The following SPRED2 variants were observed in gnomAD, a reference collection of about 807,000 sequenced individuals.
The protein encoded by SPRED2 is sprouty-related, EVH1 domain-containing protein 2.
Under a neutral mutation model 43.0 loss-of-function variants are expected in SPRED2, and 47 were observed. The observed-to-expected ratio is 1.09, with a 90% CI of 0.87 to 1.40. The LOEUF (loss-of-function observed/expected upper bound fraction) is 1.40, where lower values mean the gene tolerates loss of function less well. SPRED2 is among the 40% of genes most tolerant of loss of function. The pLI is 0.00. For missense variants in SPRED2, 561 were observed against 586.4 expected (o/e 0.96, Z 0.45); for synonymous variants, 225 against 225.7 (o/e 1.00, Z 0.03).
intron 2 of SPRED2, among the ~76,000 whole-genome samples, chr2:65,342,306 G>A (rs1025840712): frequency 3.6e-5 from 5 of 140,038 alleles, no homozygotes; most frequent in Non-Finnish European, 7.6e-5. Context: ...TTTTGTATAC[G>A]TATATTATGT....
At chr2:65,416,323 A>G (rs1319508078) in intron 1 of SPRED2, among the ~76,000 whole-genome samples, 1 of 152,078 alleles carries the variant, frequency 6.6e-6, no homozygotes, top group East Asian at 1.9e-4. Context: ...CCTTGTTGAG[A>G]CAGTTGGGGG....
intron 1 of SPRED2, among the ~76,000 whole-genome samples, chr2:65,360,089 CAAAAAAAAAACAAAAA>C (rs1674765647): frequency 2.3e-5 from 1 of 43,184 alleles, no homozygotes; most frequent in Non-Finnish European, 6.2e-5. Context: ...CAAAAAAAAA[CAAAAAAAAAACAAAAA>C]AAAAAAAAAC....
At chr2:65,431,435 TC>T (rs1676689699) in intron 1 of SPRED2, among the ~76,000 whole-genome samples, 1 of 151,946 alleles carries the variant, frequency 6.6e-6, no homozygotes, top group African/African-American at 2.4e-5. Context: ...GCGCCTGTCC[TC>T]CTCTCGCTCC....
intron 1 of SPRED2, among the ~76,000 whole-genome samples, chr2:65,398,036 T>C (rs1675798443): frequency 1.3e-5 from 2 of 152,274 alleles, no homozygotes; most frequent in Admixed American, 1.3e-4. Context: ...GGTATAAAAA[T>C]AGGCACATAG....
intron 2 of SPRED2, among the ~76,000 whole-genome samples, chr2:65,341,128 T>TGTGTGTGCGC (rs1491127199): frequency 7.0e-6 from 1 of 143,174 alleles, no homozygotes; most frequent in African/African-American, 2.6e-5. Flanking sequence ...TGTGTGTGTG[T>TGTGTGTGCGC]GCATGTGCAT....
At chr2:65,380,625 C>T (rs946028301) in intron 1 of SPRED2, 3 of 152,224 alleles carry the variant, frequency 2.0e-5, no homozygotes, top group Non-Finnish European at 4.4e-5. Flanking sequence ...TAAATACTTA[C>T]TAGTGCCAAG....
chr2:65,348,069 T>C (rs571856672), intron 1 of SPRED2, among the ~76,000 whole-genome samples: 2 of 152,290 alleles, frequency 1.3e-5, no homozygotes, highest in East Asian at 3.9e-4. Context: ...CCTTACCCTA[T>C]TACTCTCCTT....
In SPRED2 at chr2:65,347,769, T is replaced by C. The variant is rs151072435; in HGVS notation, c.27-2873A>G. Among the ~76,000 whole-genome samples, 188 of 152,274 alleles carry C rather than the reference T, an allele frequency of 1.2e-3. 1 individual carries two copies. The highest frequency in any genetic ancestry group is 4.2e-3 in the African/African-American group (174 of 41,548). On this transcript the variant is annotated intron_variant, in intron 1 of 5. Coordinates refer to ENST00000356388, the MANE Select transcript of SPRED2 (RefSeq NM_181784.3). ...GTGAGGTCTCTACATAGGCATCGAA[T>C]ACGTATCACAATCAACATGTTTCAG...
At chr2:65,351,427 TCTCTCCATTATG>T (rs1163466785) in intron 1 of SPRED2, among the ~76,000 whole-genome samples, 1 of 152,056 alleles carries the variant, frequency 6.6e-6, no homozygotes, top group African/African-American at 2.4e-5. Context: ...GGCTCCTTTA[TCTCTCCATTATG>T]CTCAACATTA....
chr2:65,320,636 C>T (rs745629439), intron 4 of SPRED2, among the ~76,000 whole-genome samples: 1 of 152,162 alleles, frequency 6.6e-6, no homozygotes, highest in Non-Finnish European at 1.5e-5. Flanking sequence ...CCTAGCCGAG[C>T]CTGCAGTCTT....
intron 1 of SPRED2, among the ~76,000 whole-genome samples, chr2:65,366,125 A>G (rs2104329229): frequency 6.6e-6 from 1 of 152,300 alleles, no homozygotes; most frequent in Admixed American, 6.5e-5. Context: ...GGGGGTAGGA[A>G]AAAAGCACAG....
At chr2:65,393,964 G>A (rs1675696781) in intron 1 of SPRED2, among the ~76,000 whole-genome samples, 1 of 152,056 alleles carries the variant, frequency 6.6e-6, no homozygotes, top group East Asian at 1.9e-4. Flanking sequence ...CTGAACCTGG[G>A]TTCCTCATTT....
chr2:65,419,725 T>C (rs1676376235), intron 1 of SPRED2, among the ~76,000 whole-genome samples: 2 of 152,134 alleles, frequency 1.3e-5, no homozygotes, highest in Admixed American at 6.5e-5. Flanking sequence ...CTACATACTC[T>C]GAAAGACAGT....
chr2:65,311,802 T>C lies in SPRED2; in HGVS notation c.*1699A>G. 4.1e-6 allele frequency: 4 copies of C among 985,466 alleles called. No individual in the cohort carries two copies. Among genetic ancestry groups the C allele is most frequent in the Non-Finnish European group, 4.8e-6 (4 of 829,954 alleles). The allele number at this position is 985,466 out of a possible 1,614,324, so 61.0% of individuals were successfully genotyped here. A position where few individuals can be genotyped will look rare whatever the true frequency, so the allele number is the denominator to read the frequency against. On this transcript the variant is annotated 3_prime_UTR_variant, in exon 6 of 6. Transcript: ENST00000356388. ...AATCTACTAAAGAAAATCGATGAGC[T>C]TGTGGACGAGCTGGAAACAGCCCCA... is the stretch of plus-strand genomic sequence containing the variant.
At chr2:65,431,868 G>C (rs377411532) in intron 1 of SPRED2, 94 bp downstream of exon 1, 18 of 1,465,812 alleles carry the variant, frequency 1.2e-5, no homozygotes, top group East Asian at 1.1e-4. Context: ...CCCACGCCAA[G>C]TTCACCCAAT....
At chr2:65,404,034 G>A (rs1468148034) in intron 1 of SPRED2, among the ~76,000 whole-genome samples, 2 of 151,880 alleles carry the variant, frequency 1.3e-5, no homozygotes, top group Admixed American at 6.6e-5. Flanking sequence ...GTGAAACCCC[G>A]TCTCTACTAA....
rs1002904948 is a variant in SPRED2, at chr2:65,313,613, A to G, written c.1145T>C (p.Ile382Thr). ...EKFCLRWMAL[I>T]ALSFLAPCMC... ...ACAGGGGGCCAGGAAAGACAAGGCA[A>G]TAAGAGCCATCCACCGGAGGCAAAA... Residue 382 changes from isoleucine to threonine, a missense_variant, in exon 6 of 6, where the codon ATT becomes ACT. By Grantham distance (89) the Ile-to-Thr change is moderately conservative. Coordinates refer to ENST00000356388, the MANE Select transcript of SPRED2 (RefSeq NM_181784.3). The G allele has an allele frequency of 9.9e-6, 16 of 1,614,050 alleles. No individual in the cohort carries two copies. The highest frequency in any genetic ancestry group is 4.5e-5 in the East Asian group (2 of 44,888).
chr2:65,404,190 A>C (rs1675969273), intron 1 of SPRED2, among the ~76,000 whole-genome samples: 1 of 148,750 alleles, frequency 6.7e-6, no homozygotes, highest in South Asian at 2.2e-4. Flanking sequence ...TGGGCAACAG[A>C]GTGAGACTCC....
chr2:65,331,325 A>C (rs982831950), intron 4 of SPRED2, among the ~76,000 whole-genome samples: 4 of 152,250 alleles, frequency 2.6e-5, no homozygotes, highest in African/African-American at 9.6e-5. Flanking sequence ...AGCACACAGC[A>C]GGCAGGCAAT....
Sources: gnomAD v4.1 joint callset for allele counts (sites outside exome capture counted in the v4.1 genomes callset) on GRCh38, gnomAD v4.1.1 for gene constraint, MANE v1.5 for transcripts, NCBI Gene and HGNC (gene_info 2026-07-23, HGNC 2026-07-21) for gene names.